ATAT1: variants seen among roughly 807,000 people sequenced by gnomAD.
ATAT1 encodes the protein alpha-tubulin N-acetyltransferase 1.
In ATAT1, 42 loss-of-function variants were observed where a neutral mutation model predicts 57.2. The observed-to-expected ratio is 0.73, with a 90% CI of 0.57 to 0.95. The LOEUF is 0.95. Ranked by LOEUF, ATAT1 falls within the 40% of genes least tolerant of loss-of-function variation. The pLI is 0.00. For synonymous variants in ATAT1, 168 were observed against 187.1 expected, an observed-to-expected ratio of 0.90 and a Z score of 0.83; for missense variants, 454 against 523.7, an observed-to-expected ratio of 0.87 and a Z score of 1.30.
chr6:30,638,374 C>A (rs1366883592), intron 6 of ATAT1, among the ~76,000 whole-genome samples: 1 of 151,946 alleles, frequency 6.6e-6, no homozygotes, highest in Non-Finnish European at 1.5e-5. Context: ...CTCACTACAG[C>A]CTCTCCCTCC....
intron 6 of ATAT1, among the ~76,000 whole-genome samples, chr6:30,639,622 G>T (rs543721890): frequency 3.3e-5 from 5 of 151,726 alleles, no homozygotes; most frequent in African/African-American, 1.2e-4. Context: ...GACTACAGGC[G>T]CCCGCCACCA....
chr6:30,631,399 T>C (rs3094106), intron 6 of ATAT1, among the ~76,000 whole-genome samples: 133,459 of 151,654 alleles, frequency 0.88, 58,811 homozygotes, highest in East Asian at 0.99. Flanking sequence ...GGCGTGAACC[T>C]GGGAGGCAGA....
chr6:30,638,374 C>T (rs1366883592), intron 6 of ATAT1, among the ~76,000 whole-genome samples: 1 of 151,946 alleles, frequency 6.6e-6, no homozygotes, highest in African/African-American at 2.4e-5. Context: ...CTCACTACAG[C>T]CTCTCCCTCC....
intron 6 of ATAT1, among the ~76,000 whole-genome samples, chr6:30,629,718 G>T (rs771734427): frequency 6.6e-6 from 1 of 151,968 alleles, no homozygotes; most frequent in Non-Finnish European, 1.5e-5. Context: ...CTAATTTTTT[G>T]TATTTTTAGT....
chr6:30,642,837 A>ACCCCCCCCCCCCC lies in ATAT1; in HGVS notation c.761_762insCCCCCCCCCCCCC (p.Arg257ProfsTer47). 1 of 320,344 alleles carries ACCCCCCCCCCCCC rather than the reference A, an allele frequency of 3.1e-6. No individual in the cohort carries two copies. Among genetic ancestry groups the ACCCCCCCCCCCCC allele is most frequent in the Non-Finnish European group, 5.2e-6 (1 of 191,750 alleles). The allele number at this position is 320,344 out of a possible 1,614,324, so 19.8% of individuals were successfully genotyped here. A position where few individuals can be genotyped will look rare whatever the true frequency, so the allele number is the denominator to read the frequency against. ...CCTCGCCGCGCCACACCTCCAGCCCACCCACCCCCCCGCTCCAGCAGCCTG... is the reference window on the plus strand; with the variant it reads ...CCTCGCCGCGCCACACCTCCAGCCCACCCCCCCCCCCCCCCCACCCCCCCGCTCCAGCAGCCTG... On this transcript the variant is annotated frameshift_variant, in exon 10 of 13. Transcript: ENST00000330083. LOFTEE classifies it high-confidence loss of function.
intron 8 of ATAT1, chr6:30,641,917 C>A: frequency 7.7e-7 from 1 of 1,304,978 alleles, no homozygotes; most frequent in Non-Finnish European, 9.8e-7. Flanking sequence ...ATCTCCCAGG[C>A]CCCCAGAGTC....
chr6:30,637,397 G>T (rs1764347979), intron 6 of ATAT1, among the ~76,000 whole-genome samples: 1 of 151,198 alleles, frequency 6.6e-6, no homozygotes, highest in Non-Finnish European at 1.5e-5. Context: ...TTGAGGCAAG[G>T]TCTTGCTCTG....
chr6:30,628,578 C>T (rs1205161903), intron 6 of ATAT1, 148 bp downstream of exon 6: 1 of 688,480 alleles, frequency 1.5e-6, no homozygotes, highest in African/African-American at 1.8e-5. Flanking sequence ...TACCATCTCT[C>T]ATCCTGTAGT....
rs1763005358 is a variant in ATAT1, at chr6:30,632,066, T to C, written c.501+3636T>C. 2.7e-5 allele frequency among the ~76,000 whole-genome samples: 4 copies of C among 150,876 alleles called. No individual in the cohort carries two copies. The South Asian group carries it at 8.4e-4, about 32-fold the overall frequency. On this transcript the variant is annotated intron_variant, in intron 6 of 12. Transcript: ENST00000330083. ...ACTCACACCTGTAATCCCAGCACTTTGGGAGGCCGAGGTAGGTGGATCACC... is the reference window on the plus strand; with the variant it reads ...ACTCACACCTGTAATCCCAGCACTTCGGGAGGCCGAGGTAGGTGGATCACC...
At chr6:30,639,479 CTT>C (rs979708714) in intron 6 of ATAT1, among the ~76,000 whole-genome samples, 14 of 139,454 alleles carry the variant, frequency 1.0e-4, no homozygotes, top group Admixed American at 2.1e-4. Flanking sequence ...CACTTTCTTT[CTT>C]TTTTTTTTTT....
At chr6:30,642,151 C>A in intron 8 of ATAT1, 25 bp from the exon 9 acceptor site, 1 of 1,614,056 alleles carries the variant, frequency 6.2e-7, no homozygotes. Context: ...AACGCTTACC[C>A]TGCCTATGTC....
chr6:30,646,505 G>A lies in ATAT1; in HGVS notation c.1092G>A (p.Gly364=). ...AGGAGCAGGCCTTGTCACAGGATGG[G>A]TCTGGGGAGAAGCCCATGCACACAG... The change falls in exon 13 of 13, where the codon GGG becomes GGA. Residue 364 remains glycine (G), a synonymous_variant. Transcript: ENST00000330083. The A allele has an allele frequency of 6.3e-7, 1 of 1,599,158 alleles. No homozygotes were observed. Among genetic ancestry groups the A allele is most frequent in the Admixed American group, 1.7e-5 (1 of 58,194 alleles).
rs777196696 is a variant in ATAT1 at position 30,640,576 on chromosome 6, G to A, written c.589G>A (p.Ala197Thr). Residue 197 changes from alanine to threonine, a missense_variant, in exon 8 of 13, where the codon GCT (alanine) becomes ACT (threonine). Physicochemically the swap from Ala to Thr is moderately conservative, Grantham distance 58. Transcript: ENST00000330083. Reference sequence around the variant, plus strand: ...TCTGAGGGCAACTCGACACTCTCGTGCTGCTGCAGTCGATCCCACGCCCGC... The same window carrying A: ...TCTGAGGGCAACTCGACACTCTCGTACTGCTGCAGTCGATCCCACGCCCGC... 3 of 1,613,002 alleles carry A rather than the reference G, an allele frequency of 1.9e-6. No homozygotes were observed. Among genetic ancestry groups the A allele is most frequent in the South Asian group, 2.2e-5 (2 of 91,080 alleles).
chr6:30,645,638 C>T (rs1045247718), intron 10 of ATAT1, among the ~76,000 whole-genome samples: 4 of 152,152 alleles, frequency 2.6e-5, no homozygotes, highest in African/African-American at 9.7e-5. Context: ...TCACACCTAG[C>T]CATAGATTTA....
intron 12 of ATAT1, 40 bp downstream of exon 12, chr6:30,646,149 A>G: frequency 6.3e-7 from 1 of 1,594,078 alleles, no homozygotes; most frequent in Non-Finnish European, 8.5e-7. Context: ...TCCCACCACC[A>G]TCTGACTCCC....
At position 30,640,418 on chromosome 6, in the gene ATAT1, A is replaced by G. The variant is rs1398892924; in HGVS notation, c.543A>G (p.Gln181=). The G allele has an allele frequency of 1.9e-6, 3 of 1,613,012 alleles. No individual in the cohort carries two copies. Among genetic ancestry groups the G allele is most frequent in the East Asian group, 4.5e-5 (2 of 44,884 alleles). ...TCTTTGAAGGCTTCTTTGCCCATCA[A>G]CATCGTAAGTTTTTGCATTTTGTTG... is the stretch of plus-strand genomic sequence containing the variant. Residue 181 remains glutamine, a synonymous_variant, in exon 7 of 13, where the codon CAA becomes CAG. Transcript: ENST00000330083.
chr6:30,637,631 C>T (rs1278859925), intron 6 of ATAT1, among the ~76,000 whole-genome samples: 1 of 147,734 alleles, frequency 6.8e-6, no homozygotes, highest in Non-Finnish European at 1.5e-5. Context: ...TGCAGGGAGC[C>T]GAGATGACAC....
intron 8 of ATAT1, among the ~76,000 whole-genome samples, chr6:30,641,343 C>T (rs1342347450): frequency 6.6e-6 from 1 of 152,200 alleles, no homozygotes; most frequent in Non-Finnish European, 1.5e-5. Context: ...CTGAGAGGCA[C>T]CTCAACTCGC....
intron 10 of ATAT1, chr6:30,644,727 G>A: frequency 1.3e-6 from 1 of 783,102 alleles, no homozygotes; most frequent in Non-Finnish European, 1.5e-6. Flanking sequence ...TGGGATCTCA[G>A]GACCTCTGTC....
Sources: gnomAD v4.1 joint callset for allele counts (sites outside exome capture counted in the v4.1 genomes callset) on GRCh38, gnomAD v4.1.1 for gene constraint, MANE v1.5 for transcripts, NCBI Gene and HGNC (gene_info 2026-07-23, HGNC 2026-07-21) for gene names.